Variants in MLH3 observed in about 807,000 individuals in gnomAD.
MLH3 encodes the protein mutL homolog 3.
Under a neutral mutation model 122.2 loss-of-function variants are expected in MLH3, and 82 were observed. That is an observed-to-expected ratio of 0.67 (90% CI 0.56 to 0.81). The LOEUF (loss-of-function observed/expected upper bound fraction) is 0.81. Among genes scored for constraint, MLH3 ranks in the 30% least tolerant of loss-of-function variants. The pLI, the probability that MLH3 is intolerant of heterozygous loss-of-function variation, is 0.00. For missense variants in MLH3, 1,539 were observed against 1,714.5 expected (o/e 0.90, Z 1.81); for synonymous variants, 524 against 599.5 (o/e 0.87, Z 1.84).
At chr14:75,036,045 G>A (rs975647255) in intron 6 of MLH3, among the ~76,000 whole-genome samples, 8 of 152,144 alleles carry the variant, frequency 5.3e-5, no homozygotes, top group African/African-American at 1.7e-4. Flanking sequence ...CTTACTTAAT[G>A]TCTTGGCAGC....
At chr14:75,032,229 G>T in intron 7 of MLH3, 50 bp from the exon 8 acceptor site, 2 of 1,068,286 alleles carry the variant, frequency 1.9e-6, no homozygotes, top group Non-Finnish European at 2.9e-6. Context: ...AAGTCTTCTA[G>T]ATTCAGATAA....
At chr14:75,027,301 C>T (rs1209714808) in intron 9 of MLH3, among the ~76,000 whole-genome samples, 1 of 151,228 alleles carries the variant, frequency 6.6e-6, no homozygotes, top group Non-Finnish European at 1.5e-5. Flanking sequence ...CTCTTGTCAC[C>T]CAGGCTGGGG....
chr14:75,047,303 G>C lies in MLH3; in HGVS notation c.2353C>G (p.Gln785Glu), dbSNP rs1892310485. 1 of 1,613,910 alleles carries C rather than the reference G, an allele frequency of 6.2e-7. No individual in the cohort carries two copies. The highest frequency in any genetic ancestry group is 8.5e-7 in the Non-Finnish European group (1 of 1,179,906). ...SNGVTTNLSLQVEPDILLKDK... is the reference protein window; with the variant it reads ...SNGVTTNLSLEVEPDILLKDK... ...TTCAGCAGAATGTCAGGTTCAACTTGAAGACTGAGATTGGTAGTGACTCCA... is the reference window on the plus strand; with the variant it reads ...TTCAGCAGAATGTCAGGTTCAACTTCAAGACTGAGATTGGTAGTGACTCCA... Residue 785 changes from glutamine (Q) to glutamate (E), a missense_variant, in exon 2 of 13, where the codon CAA (glutamine) becomes GAA (glutamate). Coordinates refer to ENST00000355774, the MANE Select transcript of MLH3 (RefSeq NM_001040108.2).
chr14:75,021,630 C>T (rs528541926), intron 11 of MLH3, among the ~76,000 whole-genome samples: 7 of 152,280 alleles, frequency 4.6e-5, no homozygotes, highest in Admixed American at 4.6e-4. Context: ...CAGTGACATA[C>T]CATCTCACAC....
chr14:75,044,021 G>A (rs1000413129), intron 2 of MLH3, among the ~76,000 whole-genome samples: 36 of 151,986 alleles, frequency 2.4e-4, no homozygotes, highest in South Asian at 1.5e-3. Flanking sequence ...CTCAGAAGGC[G>A]GAGGTTGCAG....
At chr14:75,021,618 C>T (rs1477352117) in intron 11 of MLH3, among the ~76,000 whole-genome samples, 1 of 152,134 alleles carries the variant, frequency 6.6e-6, no homozygotes, top group Non-Finnish European at 1.5e-5. Context: ...AAATCAAAAT[C>T]ACAGTGACAT....
In MLH3 at chr14:75,046,377, A is replaced by C; in HGVS notation, c.3279T>G (p.Asn1093Lys). 2 of 1,614,180 alleles carry C rather than the reference A, an allele frequency of 1.2e-6. No individual in the cohort carries two copies. The highest frequency in any genetic ancestry group is 1.7e-6 in the Non-Finnish European group (2 of 1,180,016). ...TTVAVDVVLE[N>K]GSQYRCQPFR... ...TGCACATGAATACTACGTACTTACC[A>C]TTCTCAAGTACAACATCCACAGCCA... Residue 1093 changes from asparagine to lysine, a missense_variant and splice_region_variant, in exon 2 of 13, where the codon AAT becomes AAG. Transcript: ENST00000355774.
intron 9 of MLH3, among the ~76,000 whole-genome samples, chr14:75,027,073 T>C (rs1369776996): frequency 6.6e-6 from 1 of 151,804 alleles, no homozygotes; most frequent in Non-Finnish European, 1.5e-5. Context: ...CACTCCAGCC[T>C]GGGTAACAGA....
At chr14:75,028,674 T>C (rs1890823743) in intron 9 of MLH3, among the ~76,000 whole-genome samples, 1 of 151,210 alleles carries the variant, frequency 6.6e-6, no homozygotes, top group Non-Finnish European at 1.5e-5. Context: ...CGCCTTGGCC[T>C]CCCAAAATGC....
Position 75,047,028 on chromosome 14 carries a change from T to C in MLH3, c.2628A>G (p.Lys876=). Residue 876 remains lysine, a synonymous_variant, in exon 2 of 13, where the codon AAA becomes AAG. Transcript: ENST00000355774. ...TTTCGGAACCCTTCAGTCTGGATAA[T>C]TTAGAGGCTAGTGATTCAGATGACT... ...LEKSSESLAS[K]LSRLKGSERE... 1 of 1,614,210 alleles carries C rather than the reference T, an allele frequency of 6.2e-7. No homozygotes were observed. Among genetic ancestry groups the C allele is most frequent in the Non-Finnish European group, 8.5e-7 (1 of 1,180,026 alleles).
rs1000068759 is a variant in MLH3 at position 75,030,086 on chromosome 14, C to T, written c.3987+457G>A. 2.6e-5 allele frequency among the ~76,000 whole-genome samples: 4 copies of T among 152,216 alleles called. No individual in the cohort carries two copies. The South Asian group carries it at 8.3e-4, about 32-fold the overall frequency. ...GGAAGATTGCTTGTGCCCAGGAGAT[C>T]AAGGCTACAGTGAGCTATGATTGCA... On this transcript the variant is annotated intron_variant, in intron 9 of 12. Transcript: ENST00000355774.
At chr14:75,026,286 A>G (rs1890623454) in intron 9 of MLH3, among the ~76,000 whole-genome samples, 2 of 152,254 alleles carry the variant, frequency 1.3e-5, no homozygotes, top group African/African-American at 4.8e-5. Flanking sequence ...GCAGGACACC[A>G]TAAAAAAGGA....
At chr14:75,029,896 CGGGGGTTTGGGAAGCCAATGCAA>C (rs912604712) in intron 9 of MLH3, among the ~76,000 whole-genome samples, 2 of 151,186 alleles carry the variant, frequency 1.3e-5, no homozygotes, top group Non-Finnish European at 2.9e-5. Context: ...CCTGTAGTGC[CGGGGGTTTGGGAAGCCAATGCAA>C]GGGGATTGCT....
intron 9 of MLH3, among the ~76,000 whole-genome samples, chr14:75,027,234 T>C (rs996893695): frequency 3.3e-5 from 5 of 152,034 alleles, no homozygotes; most frequent in Non-Finnish European, 7.4e-5. Flanking sequence ...AAAATAAAGA[T>C]ACTTTAAAAG....
At chr14:75,017,431 C>T (rs1365279878) in intron 12 of MLH3, among the ~76,000 whole-genome samples, 1 of 152,038 alleles carries the variant, frequency 6.6e-6, no homozygotes, top group Admixed American at 6.6e-5. Flanking sequence ...ATCCCAGCTA[C>T]TCAGGAGGCT....
intron 1 of MLH3, 114 bp from the exon 2 acceptor site, chr14:75,049,832 A>T: frequency 1.5e-6 from 1 of 678,496 alleles, no homozygotes; most frequent in Non-Finnish European, 2.6e-6. Context: ...CAAATTGTGA[A>T]ACAAAGCAAA....
At position 75,048,096 on chromosome 14, in the gene MLH3, C is replaced by T. The variant is rs886050776; in HGVS notation, c.1560G>A (p.Glu520=). 2 of 1,614,180 alleles carry T rather than the reference C, an allele frequency of 1.2e-6. No homozygotes were observed. The highest frequency in any genetic ancestry group is 2.2e-5 in the South Asian group (2 of 91,082). ...TCCATATTTCTAGATCCTGCCCACT[C>T]TCCTCAAAGTGACATGGTGTCTGAA... is the stretch of plus-strand genomic sequence containing the variant. ...SPFQTPCHFE[E]SGQDLEIWKE... The change falls in exon 2 of 13, where the codon GAG becomes GAA. Residue 520 remains glutamate (E), a synonymous_variant. Transcript: ENST00000355774.
At position 75,042,444 on chromosome 14, in the gene MLH3, T is replaced by A. The variant is rs763578019; in HGVS notation, c.3314A>T (p.Asp1105Val). The A allele has an allele frequency of 6.2e-7, 1 of 1,614,208 alleles. No homozygotes were observed. Among genetic ancestry groups the A allele is most frequent in the East Asian group, 2.2e-5 (1 of 44,886 alleles). Residue 1105 changes from aspartate (D) to valine (V), a missense_variant, in exon 3 of 13, where the codon GAC (aspartate) becomes GTC (valine). Asp to Val is a radical substitution (Grantham distance 152). Coordinates refer to ENST00000355774, the MANE Select transcript of MLH3 (RefSeq NM_001040108.2). ...SQYRCQPFRS[D>V]LVLPFLPRAR... The stretch of plus-strand genomic sequence containing the variant: ...TCTCGGAAGGAAAGGAAGAACAAGG[T>A]CGCTTCTAAAAGGTTGACACCTGTA...
In MLH3 at chr14:75,041,625, C is replaced by T. The variant is rs374041909; in HGVS notation, c.3455G>A (p.Arg1152His). 206 of 1,612,008 alleles carry T rather than the reference C, an allele frequency of 1.3e-4. No individual in the cohort carries two copies. The highest frequency in any genetic ancestry group is 1.6e-4 in the Non-Finnish European group (192 of 1,178,648). The change falls in exon 4 of 13, where the codon CGT becomes CAT. Residue 1152 changes from arginine to histidine, a missense_variant. Transcript: ENST00000355774. ...FSEWDNPVFA[R>H]YPEVAVDVSS... ...CTGCTACAGACCCACCTCTGGATAA[C>T]GGGCAAATACTGGATTGTCCCATTC... is the stretch of plus-strand genomic sequence containing the variant.
Sources: gnomAD v4.1 joint callset for allele counts (sites outside exome capture counted in the v4.1 genomes callset) on GRCh38, gnomAD v4.1.1 for gene constraint, MANE v1.5 for transcripts, NCBI Gene and HGNC (gene_info 2026-07-23, HGNC 2026-07-21) for gene names.